NDUFS4: variants seen among roughly 807,000 people sequenced by gnomAD.
The protein encoded by NDUFS4 is NADH dehydrogenase [ubiquinone] iron-sulfur protein 4, mitochondrial.
A neutral mutation model predicts 24.3 loss-of-function variants in NDUFS4; 28 were observed. That is an observed-to-expected ratio of 1.15 (90% CI 0.85 to 1.58). The LOEUF (loss-of-function observed/expected upper bound fraction) is 1.58, where lower values mean the gene tolerates loss of function less well. Ranked by LOEUF, NDUFS4 falls within the 40% of genes most tolerant of loss-of-function variation. The probability of loss-of-function intolerance (pLI) is 0.00; values close to 1 mark genes in which losing one functional copy is unlikely to be tolerated. For missense variants in NDUFS4, 223 were observed against 207.9 expected (o/e 1.07, Z -0.45); for synonymous variants, 93 against 69.7 (o/e 1.34, Z -1.67).
At chr5:53,570,126 G>C (rs1399237672) in intron 1 of NDUFS4, among the ~76,000 whole-genome samples, 2 of 152,136 alleles carry the variant, frequency 1.3e-5, no homozygotes, top group Admixed American at 6.5e-5. Flanking sequence ...CTGTTTTACT[G>C]TATTGTTTCA....
chr5:53,658,783 CCAAA>C, intron 4 of NDUFS4, 159 bp downstream of exon 4: 3 of 102,446 alleles, frequency 2.9e-5, no homozygotes, highest in Non-Finnish European at 4.7e-5. Flanking sequence ...ACACCCACCT[CCAAA>C]AAAAAAAAAA....
chr5:53,679,361 C>T (rs936066303), intron 4 of NDUFS4, among the ~76,000 whole-genome samples: 2 of 152,160 alleles, frequency 1.3e-5, no homozygotes, highest in Admixed American at 6.6e-5. Flanking sequence ...TTGTTTTTCA[C>T]AGGGTGCTTT....
At chr5:53,585,093 T>A (rs1749703809) in intron 1 of NDUFS4, among the ~76,000 whole-genome samples, 1 of 152,176 alleles carries the variant, frequency 6.6e-6, no homozygotes, top group Non-Finnish European at 1.5e-5. Context: ...AAATCTTAGG[T>A]GAATATTTTA....
At chr5:53,665,844 G>T (rs192608681) in intron 4 of NDUFS4, among the ~76,000 whole-genome samples, 175 of 152,324 alleles carry the variant, frequency 1.1e-3, no homozygotes, top group African/African-American at 4.1e-3. Context: ...TGCACACACT[G>T]TCTGATGCTC....
rs528861019 is a variant in NDUFS4, at chr5:53,611,895, A to G, written c.177+8365A>G. Reference sequence around the variant, plus strand: ...ACAAAAGAGAGAAGTTAAATTTGCAATGCTCTTTAAAGATTTTGAGTAGGT... The same window carrying G: ...ACAAAAGAGAGAAGTTAAATTTGCAGTGCTCTTTAAAGATTTTGAGTAGGT... On this transcript the variant is annotated intron_variant, in intron 2 of 4. Transcript: ENST00000296684. Among the ~76,000 whole-genome samples, 26 of 152,226 alleles carry G rather than the reference A, an allele frequency of 1.7e-4. 1 individual carries two copies. Among genetic ancestry groups the G allele is most frequent in the African/African-American group, 5.5e-4 (23 of 41,572 alleles).
intron 2 of NDUFS4, among the ~76,000 whole-genome samples, chr5:53,643,017 A>G (rs1444716148): frequency 6.6e-6 from 1 of 152,152 alleles, no homozygotes; most frequent in African/African-American, 2.4e-5. Context: ...AATGACATTA[A>G]TAATGGAAGC....
intron 2 of NDUFS4, among the ~76,000 whole-genome samples, chr5:53,609,044 AAGGTT>A: frequency 6.6e-6 from 1 of 152,298 alleles, no homozygotes; most frequent in South Asian, 2.1e-4. Context: ...AGAGGGGACT[AAGGTT>A]CTCCCAGTTT....
intron 4 of NDUFS4, among the ~76,000 whole-genome samples, chr5:53,667,430 ACTCCAGCCTGGGCAACAAG>A (rs1321898401): frequency 5.4e-5 from 8 of 147,942 alleles, no homozygotes; most frequent in Admixed American, 1.4e-4. Flanking sequence ...GTGCCATTGC[ACTCCAGCCTGGGCAACAAG>A]CTCCAGCCTG....
chr5:53,588,893 C>G (rs1294824733), intron 1 of NDUFS4, among the ~76,000 whole-genome samples: 2 of 151,124 alleles, frequency 1.3e-5, no homozygotes, highest in Non-Finnish European at 1.5e-5. Context: ...AGGGCTGATA[C>G]AGAGAAGTTT....
intron 2 of NDUFS4, among the ~76,000 whole-genome samples, chr5:53,634,335 A>G (rs1751490055): frequency 6.6e-6 from 1 of 152,170 alleles, no homozygotes; most frequent in Admixed American, 6.5e-5. Context: ...AGATGTAATT[A>G]AGTTCCTTTA....
At chr5:53,622,143 A>G (rs1265337249) in intron 2 of NDUFS4, among the ~76,000 whole-genome samples, 1 of 152,190 alleles carries the variant, frequency 6.6e-6, no homozygotes, top group Non-Finnish European at 1.5e-5. Flanking sequence ...TCCATCTGGT[A>G]TCCTTTTCCT....
intron 2 of NDUFS4, among the ~76,000 whole-genome samples, chr5:53,614,182 C>A (rs1750778597): frequency 6.6e-6 from 1 of 151,770 alleles, no homozygotes; most frequent in African/African-American, 2.4e-5. Context: ...ATCATTAAAA[C>A]AAGTCAGTTA....
intron 2 of NDUFS4, among the ~76,000 whole-genome samples, chr5:53,610,898 G>A (rs369426589): frequency 1.3e-5 from 2 of 152,214 alleles, no homozygotes; most frequent in South Asian, 2.1e-4. Context: ...AATCATCGCA[G>A]TTCTAGTAAG....
chr5:53,608,544 T>C (rs1460887564), intron 2 of NDUFS4, among the ~76,000 whole-genome samples: 1 of 152,262 alleles, frequency 6.6e-6, no homozygotes, highest in Non-Finnish European at 1.5e-5. Flanking sequence ...AATCCTTTGT[T>C]GTCATTTCAG....
At chr5:53,655,366 A>ATT (rs562996240) in intron 3 of NDUFS4, among the ~76,000 whole-genome samples, 15 of 117,328 alleles carry the variant, frequency 1.3e-4, no homozygotes, top group African/African-American at 2.8e-4. Flanking sequence ...AGTTTTGCCT[A>ATT]TTTTTTTTTT....
chr5:53,573,381 A>G (rs1468121341), intron 1 of NDUFS4, among the ~76,000 whole-genome samples: 1 of 152,054 alleles, frequency 6.6e-6, no homozygotes, highest in Non-Finnish European at 1.5e-5. Context: ...TATTGCATTA[A>G]ATCTATAGAT....
intron 4 of NDUFS4, among the ~76,000 whole-genome samples, chr5:53,675,247 C>G (rs530359219): frequency 7.0e-6 from 1 of 143,440 alleles, no homozygotes; most frequent in South Asian, 2.3e-4. Flanking sequence ...ACTGCAAGCT[C>G]TGCCTCCCGG....
At chr5:53,632,453 A>G (rs142956047) in intron 2 of NDUFS4, among the ~76,000 whole-genome samples, 4 of 152,166 alleles carry the variant, frequency 2.6e-5, no homozygotes, top group African/African-American at 9.7e-5. Flanking sequence ...TACTTGTCCC[A>G]CTTCACAGAG....
intron 1 of NDUFS4, among the ~76,000 whole-genome samples, chr5:53,592,177 C>G: frequency 6.6e-6 from 1 of 152,124 alleles, no homozygotes; most frequent in Non-Finnish European, 1.5e-5. Flanking sequence ...GTCTTGACCT[C>G]CTGACCTCAA....
Sources: allele counts gnomAD v4.1 joint callset (sites outside exome capture counted in the v4.1 genomes callset), GRCh38; gene constraint gnomAD v4.1.1; transcripts MANE v1.5; gene names NCBI Gene and HGNC (gene_info 2026-07-23, HGNC 2026-07-21).